SMOC2: variants seen among roughly 807,000 people sequenced by gnomAD.
SMOC2 encodes SPARC related modular calcium binding 2, also known as SPARC-related modular calcium-binding protein 2.
In SMOC2, 39 loss-of-function variants were observed where a neutral mutation model predicts 61.4. The ratio of observed to expected loss-of-function variants is 0.64; its 90% confidence interval spans 0.49 to 0.83. The LOEUF (loss-of-function observed/expected upper bound fraction) is 0.83, where lower values mean the gene tolerates loss of function less well. Ranked by LOEUF, SMOC2 falls within the 40% of genes least tolerant of loss-of-function variation. The pLI is 0.00. For synonymous variants in SMOC2, 247 were observed against 239.9 expected, an observed-to-expected ratio of 1.03 and a Z score of -0.27; for missense variants, 556 against 592.9, an observed-to-expected ratio of 0.94 and a Z score of 0.65.
At chr6:168,464,228 A>G (rs954776674) in intron 1 of SMOC2, among the ~76,000 whole-genome samples, 1 of 151,172 alleles carries the variant, frequency 6.6e-6, no homozygotes, top group Non-Finnish European at 1.5e-5. Flanking sequence ...GAAGGAAGGA[A>G]GAAAAGGAAG....
rs1019707602 is a variant in SMOC2 at position 168,612,278 on chromosome 6, G to A, written c.907+4039G>A. ...GCGCTGGGTTCGTGATCTCCATCAG[G>A]GGAGAGGGTGACCCCAGCCTTTACT... On this transcript the variant is annotated intron_variant, in intron 9 of 12. Coordinates refer to ENST00000356284, the MANE Select transcript of SMOC2 (RefSeq NM_001166412.2). Among the ~76,000 whole-genome samples the A allele has an allele frequency of 1.2e-4, 16 of 131,628 alleles. 1 individual carries two copies. Among genetic ancestry groups the A allele is most frequent in the Non-Finnish European group, 2.3e-4 (14 of 59,988 alleles). The allele number at this position is 131,628 out of a possible 152,430, so 86.4% of individuals were successfully genotyped here. A position where few individuals can be genotyped will look rare whatever the true frequency, so the allele number is the denominator to read the frequency against.
rs181560784 is a variant in SMOC2 at position 168,581,969 on chromosome 6, A to T, written c.638-16849A>T. ...CCTTTCCAAGGTGGCCTGCCCCACC[A>T]TCCCCCAAACAATCAGCATTAGCTT... On this transcript the variant is annotated intron_variant, in intron 7 of 12. Transcript: ENST00000356284. Among the ~76,000 whole-genome samples, 732 of 152,252 alleles carry T rather than the reference A, an allele frequency of 4.8e-3. 7 individuals carry two copies. Among genetic ancestry groups the T allele is most frequent in the African/African-American group, 0.017 (693 of 41,552 alleles).
chr6:168,666,400 T>C (rs759786194), intron 12 of SMOC2, 21 bp from the exon 13 acceptor site: 1 of 1,613,778 alleles, frequency 6.2e-7, no homozygotes, highest in South Asian at 1.1e-5. Flanking sequence ...TAATGTCTCT[T>C]TTTTGTTTTT....
intron 1 of SMOC2, among the ~76,000 whole-genome samples, chr6:168,470,274 C>T (rs541189533): frequency 3.3e-5 from 5 of 152,286 alleles, no homozygotes; most frequent in African/African-American, 4.8e-5. Flanking sequence ...CTACTCTTTC[C>T]GTTATAAAGC....
At chr6:168,499,834 G>C (rs905148066) in intron 1 of SMOC2, among the ~76,000 whole-genome samples, 2 of 152,190 alleles carry the variant, frequency 1.3e-5, no homozygotes, top group Non-Finnish European at 2.9e-5. Context: ...AGTGCAATCA[G>C]GAAGGAGTGA....
In SMOC2 at chr6:168,453,922, GTC is replaced by G. The variant is rs141458602; in HGVS notation, c.84+12474_84+12475del. Among the ~76,000 whole-genome samples, 26 of 151,182 alleles carry G rather than the reference GTC, an allele frequency of 1.7e-4. 1 individual carries two copies. The East Asian group carries it at 4.5e-3, about 26-fold the overall frequency. Reference sequence around the variant, plus strand: ...TTTCTCTCTGTCTTCCTCTCTCTCTGTCTCTCTGATTCTATCTTTGGTCTCTG... The same window carrying G: ...TTTCTCTCTGTCTTCCTCTCTCTCTGTCTCTGATTCTATCTTTGGTCTCTG... On this transcript the variant is annotated intron_variant, in intron 1 of 12. Transcript: ENST00000356284. The surrounding 1 kb of genome is among the most constrained non-coding windows in gnomAD (Gnocchi z 4.4).
chr6:168,479,405 T>C (rs906264507), intron 1 of SMOC2, among the ~76,000 whole-genome samples: 1 of 152,216 alleles, frequency 6.6e-6, no homozygotes, highest in East Asian at 1.9e-4. Flanking sequence ...TTAAAAGTGT[T>C]AGTAGTTTGG....
intron 11 of SMOC2, among the ~76,000 whole-genome samples, chr6:168,659,261 T>C (rs904084210): frequency 3.3e-5 from 5 of 152,052 alleles, no homozygotes; most frequent in African/African-American, 1.2e-4. Flanking sequence ...AAAGATAATT[T>C]GTTACTCACA....
chr6:168,599,113 C>G (rs1398270407), intron 8 of SMOC2, 109 bp downstream of exon 8: 3 of 963,848 alleles, frequency 3.1e-6, no homozygotes, highest in African/African-American at 1.8e-5. Flanking sequence ...CACAGTCACA[C>G]ACACACTCAC....
intron 9 of SMOC2, among the ~76,000 whole-genome samples, chr6:168,631,608 C>A (rs2115247811): frequency 6.6e-6 from 1 of 152,274 alleles, no homozygotes; most frequent in South Asian, 2.1e-4. Flanking sequence ...TTGGGAAAAG[C>A]TTTTCTTGAA....
intron 2 of SMOC2, among the ~76,000 whole-genome samples, chr6:168,513,917 T>A (rs1306159451): frequency 1.3e-5 from 2 of 152,218 alleles, no homozygotes; most frequent in East Asian, 1.9e-4. Flanking sequence ...GGATCCCAGA[T>A]GCTCCCAACG....
chr6:168,666,321 C>G, intron 12 of SMOC2, 100 bp from the exon 13 acceptor site: 1 of 1,423,484 alleles, frequency 7.0e-7, no homozygotes, highest in Admixed American at 1.8e-5. Context: ...GCCCAGCCCT[C>G]TTTGGTTCAG....
intron 7 of SMOC2, among the ~76,000 whole-genome samples, chr6:168,584,640 G>A (rs1290828234): frequency 2.3e-5 from 3 of 131,380 alleles, no homozygotes; most frequent in Non-Finnish European, 5.4e-5. Context: ...AAGACCTACC[G>A]AACAGGCAAA....
chr6:168,614,016 C>A (rs1325474373), intron 9 of SMOC2, among the ~76,000 whole-genome samples: 2 of 83,608 alleles, frequency 2.4e-5, no homozygotes, highest in African/African-American at 5.0e-5. Flanking sequence ...TTCACACCTA[C>A]AGCCAGCACA....
At chr6:168,552,099 G>A (rs1035516989) in intron 7 of SMOC2, among the ~76,000 whole-genome samples, 3 of 152,196 alleles carry the variant, frequency 2.0e-5, no homozygotes, top group African/African-American at 7.2e-5. Flanking sequence ...GACTATGTTT[G>A]TGTTTAATAC....
intron 4 of SMOC2, among the ~76,000 whole-genome samples, chr6:168,528,696 A>G (rs1450583814): frequency 2.0e-5 from 3 of 152,238 alleles, no homozygotes; most frequent in African/African-American, 7.2e-5. Context: ...CATAAGGCCT[A>G]ATGTTTCCAG....
At chr6:168,456,542 G>A (rs1781592599) in intron 1 of SMOC2, among the ~76,000 whole-genome samples, 1 of 152,224 alleles carries the variant, frequency 6.6e-6, no homozygotes, top group Admixed American at 6.5e-5. Context: ...GTGCCACTTG[G>A]TGGCCACAGT....
chr6:168,445,307 T>C (rs1463046749), intron 1 of SMOC2, among the ~76,000 whole-genome samples: 1 of 152,188 alleles, frequency 6.6e-6, no homozygotes, highest in Non-Finnish European at 1.5e-5. Flanking sequence ...TCACAGAGGG[T>C]CTGGCACCTG....
intron 5 of SMOC2, among the ~76,000 whole-genome samples, chr6:168,545,521 C>T (rs999081375): frequency 3.9e-5 from 6 of 152,226 alleles, no homozygotes; most frequent in African/African-American, 1.2e-4. Context: ...AGAGCCACCC[C>T]GTCTGTGAGG....
Sources: gnomAD v4.1 joint callset for allele counts (sites outside exome capture counted in the v4.1 genomes callset) on GRCh38, gnomAD v4.1.1 for gene constraint, Gnocchi (gnomAD v3.1) non-coding constraint, MANE v1.5 for transcripts, NCBI Gene and HGNC (gene_info 2026-07-23, HGNC 2026-07-21) for gene names.